CPQ: variants seen among roughly 807,000 people sequenced by gnomAD.
The protein encoded by CPQ is Ser-Met dipeptidase.
A neutral mutation model predicts 45.7 loss-of-function variants in CPQ; 37 were observed. The ratio of observed to expected loss-of-function variants is 0.81; its 90% CI spans 0.62 to 1.07. The LOEUF (loss-of-function observed/expected upper bound fraction) is 1.07, where lower values mean the gene tolerates loss of function less well. CPQ is among the 50% of genes least tolerant of loss of function. The probability of loss-of-function intolerance (pLI) is 0.00; values close to 1 mark genes in which losing one functional copy is unlikely to be tolerated. For synonymous variants in CPQ, 186 were observed against 205.8 expected (o/e 0.90, Z 0.82); for missense variants, 537 against 572.9 (o/e 0.94, Z 0.64).
At chr8:96,645,963 T>C (rs1262858680) in intron 1 of CPQ, among the ~76,000 whole-genome samples, 1 of 150,426 alleles carries the variant, frequency 6.6e-6, no homozygotes, top group African/African-American at 2.5e-5. Flanking sequence ...AATAAGTAAT[T>C]GAATGAGTAC....
intron 3 of CPQ, among the ~76,000 whole-genome samples, chr8:96,854,455 C>A (rs542159587): frequency 7.5e-6 from 1 of 133,454 alleles, no homozygotes; most frequent in East Asian, 2.4e-4. Flanking sequence ...GGCGTGAACC[C>A]GGGAGGCGGA....
chr8:96,710,399 GT>G (rs1391438361), intron 1 of CPQ, among the ~76,000 whole-genome samples: 2 of 151,932 alleles, frequency 1.3e-5, no homozygotes, highest in Non-Finnish European at 2.9e-5. Flanking sequence ...TTTGGGTTTG[GT>G]TTGTTCTTGT....
At chr8:96,970,234 T>C (rs1813641890) in intron 5 of CPQ, among the ~76,000 whole-genome samples, 1 of 152,194 alleles carries the variant, frequency 6.6e-6, no homozygotes, top group Non-Finnish European at 1.5e-5. Flanking sequence ...GCTGGTGTCC[T>C]GAAACGAATC....
chr8:96,800,316 G>A (rs1810989285), intron 2 of CPQ, among the ~76,000 whole-genome samples: 2 of 152,312 alleles, frequency 1.3e-5, no homozygotes, highest in South Asian at 2.1e-4. Context: ...TCACTTTGTA[G>A]CAGGGATGTA....
At chr8:97,073,799 C>G (rs1038095289) in intron 7 of CPQ, among the ~76,000 whole-genome samples, 1 of 152,130 alleles carries the variant, frequency 6.6e-6, no homozygotes, top group Non-Finnish European at 1.5e-5. Context: ...TTGATAAAGG[C>G]TATACAGAGA....
chr8:96,877,352 C>T (rs1247069686), intron 3 of CPQ, among the ~76,000 whole-genome samples: 1 of 152,112 alleles, frequency 6.6e-6, no homozygotes, highest in African/African-American at 2.4e-5. Flanking sequence ...CTCACTGTCC[C>T]CACTTTAAGA....
intron 7 of CPQ, among the ~76,000 whole-genome samples, chr8:97,141,594 A>T (rs1812165238): frequency 6.6e-6 from 1 of 152,202 alleles, no homozygotes; most frequent in African/African-American, 2.4e-5. Context: ...TAAATTGAAA[A>T]GGAAAACATT....
At chr8:96,736,477 A>G (rs1261022534) in intron 1 of CPQ, among the ~76,000 whole-genome samples, 1 of 152,186 alleles carries the variant, frequency 6.6e-6, no homozygotes, top group Non-Finnish European at 1.5e-5. Context: ...TTGCCGTATC[A>G]TATTGCATAA....
intron 1 of CPQ, among the ~76,000 whole-genome samples, chr8:96,727,811 C>T (rs1809863570): frequency 6.6e-6 from 1 of 152,110 alleles, no homozygotes; most frequent in Admixed American, 6.5e-5. Flanking sequence ...GGTAGCTTCT[C>T]CTTATGGGGT....
At chr8:96,881,195 C>A (rs926916343) in intron 4 of CPQ, among the ~76,000 whole-genome samples, 5 of 152,098 alleles carry the variant, frequency 3.3e-5, no homozygotes, top group Non-Finnish European at 7.3e-5. Context: ...TAAAGAAATA[C>A]CTAAGACTGG....
intron 6 of CPQ, among the ~76,000 whole-genome samples, chr8:97,053,024 T>C (rs1280996024): frequency 6.6e-6 from 1 of 152,212 alleles, no homozygotes; most frequent in Non-Finnish European, 1.5e-5. Context: ...GATGTTATTT[T>C]ATCACCAACA....
intron 5 of CPQ, among the ~76,000 whole-genome samples, chr8:96,969,676 A>T (rs970122971): frequency 7.9e-5 from 12 of 152,222 alleles, no homozygotes; most frequent in Non-Finnish European, 1.6e-4. Context: ...TGACAGTAGC[A>T]GTCTTGGGAT....
intron 4 of CPQ, among the ~76,000 whole-genome samples, chr8:96,913,736 T>A (rs1338890711): frequency 6.6e-6 from 1 of 152,220 alleles, no homozygotes; most frequent in Non-Finnish European, 1.5e-5. Context: ...TCTAGCTACT[T>A]ATGTTATCAT....
chr8:96,919,458 T>C (rs1812779368), intron 4 of CPQ, among the ~76,000 whole-genome samples: 1 of 152,126 alleles, frequency 6.6e-6, no homozygotes, highest in Non-Finnish European at 1.5e-5. Flanking sequence ...ATATCCTCAA[T>C]GTGTACTTAC....
chr8:96,870,166 ATT>A (rs5893401), intron 3 of CPQ, among the ~76,000 whole-genome samples: 1 of 151,580 alleles, frequency 6.6e-6, no homozygotes, highest in Non-Finnish European at 1.5e-5. Context: ...TTATATATAT[ATT>A]TTTTTGGTAT....
intron 1 of CPQ, among the ~76,000 whole-genome samples, chr8:96,687,335 C>T (rs1387248800): frequency 6.6e-6 from 1 of 152,088 alleles, no homozygotes; most frequent in Non-Finnish European, 1.5e-5. Flanking sequence ...GCCTCAGTCT[C>T]CTGAGTAGCT....
intron 1 of CPQ, among the ~76,000 whole-genome samples, chr8:96,714,719 C>T (rs535141538): frequency 3.9e-5 from 6 of 152,096 alleles, no homozygotes; most frequent in East Asian, 1.9e-4. Context: ...AACCCTGTTT[C>T]GTATTTCCAG....
intron 3 of CPQ, among the ~76,000 whole-genome samples, chr8:96,849,648 C>G (rs1208047364): frequency 6.6e-6 from 1 of 152,126 alleles, no homozygotes; most frequent in Admixed American, 6.5e-5. Context: ...TTAAAAGATT[C>G]CACACCTTTG....
chr8:97,085,553 A>T (rs886084354), intron 7 of CPQ, among the ~76,000 whole-genome samples: 1 of 152,190 alleles, frequency 6.6e-6, no homozygotes, highest in Non-Finnish European at 1.5e-5. Context: ...TCATCTCGCT[A>T]GTCTTAACAC....
Sources: gnomAD v4.1 joint callset for allele counts (sites outside exome capture counted in the v4.1 genomes callset) on GRCh38, gnomAD v4.1.1 for gene constraint, MANE v1.5 for transcripts, NCBI Gene and HGNC (gene_info 2026-07-23, HGNC 2026-07-21) for gene names.